Variants in NXN observed in about 807,000 individuals in gnomAD.
NXN encodes the protein nucleoredoxin 1.
In NXN, 16 loss-of-function variants were observed where a neutral mutation model predicts 48.6. The observed-to-expected ratio is 0.33, with a 90% CI of 0.22 to 0.50. NXN has a LOEUF of 0.50. NXN is among the 20% of genes least tolerant of loss of function. The pLI, the probability that NXN is intolerant of heterozygous loss-of-function variation, is 0.98. For missense variants in NXN, 492 were observed against 605.5 expected, an observed-to-expected ratio of 0.81 and a Z score of 1.97; for synonymous variants, 281 against 269.6, an observed-to-expected ratio of 1.04 and a Z score of -0.41.
intron 1 of NXN, chr17:896,805 T>C (rs2068491058): frequency 2.7e-6 from 3 of 1,118,044 alleles, no homozygotes; most frequent in Non-Finnish European, 2.3e-6. Context: ...CAATAGACAC[T>C]TGAACCTCTG....
intron 6 of NXN, 112 bp downstream of exon 6, chr17:804,956 C>T (rs1256144860): frequency 1.7e-6 from 2 of 1,167,814 alleles, no homozygotes; most frequent in Non-Finnish European, 2.5e-6. Context: ...AAGGCCCAGG[C>T]TTGCACTGCT....
chr17:959,495 A>AG (rs2069211578), intron 1 of NXN: 1 of 157,738 alleles, frequency 6.3e-6, no homozygotes, highest in Non-Finnish European at 1.4e-5. Flanking sequence ...AGAAGTGAGA[A>AG]AAAAAAAAAA....
intron 1 of NXN, among the ~76,000 whole-genome samples, 181 bp downstream of exon 1, chr17:979,138 G>GT (rs1283400301): frequency 5.3e-5 from 5 of 94,840 alleles, no homozygotes; most frequent in Non-Finnish European, 1.1e-4. Context: ...GGACGGCGGG[G>GT]TGGGGGGCGG....
rs2068740407 is a variant in NXN, at chr17:920,676, C to T, written c.360+58643G>A. On this transcript the variant is annotated intron_variant, in intron 1 of 7. Coordinates refer to ENST00000336868, the MANE Select transcript of NXN (RefSeq NM_022463.5). This position sits in a 1 kb window ranked among gnomAD's most constrained non-coding sequence, Gnocchi z 4.6. The stretch of plus-strand genomic sequence containing the variant: ...GAGGTCTTCATTCATACCGCCTTGC[C>T]AATCGCCCTCAAAATCACCTGGAAG... Among the ~76,000 whole-genome samples the T allele has an allele frequency of 6.6e-6, 1 of 152,054 alleles. No homozygotes were observed. Among genetic ancestry groups the T allele is most frequent in the East Asian group, 1.9e-4 (1 of 5,192 alleles).
intron 1 of NXN, among the ~76,000 whole-genome samples, chr17:892,594 G>A (rs926569332): frequency 4.1e-5 from 6 of 146,078 alleles, no homozygotes; most frequent in Non-Finnish European, 7.5e-5. Context: ...AGCAGGTCTC[G>A]CAGTCTCAGC....
At chr17:907,342 A>ATTT (rs3062164) in intron 1 of NXN, among the ~76,000 whole-genome samples, 1 of 145,714 alleles carries the variant, frequency 6.9e-6, no homozygotes, top group South Asian at 2.2e-4. Context: ...CTCAATACCT[A>ATTT]TTTTTTTTTT....
intron 1 of NXN, among the ~76,000 whole-genome samples, chr17:869,780 C>G (rs1175600123): frequency 6.6e-6 from 1 of 152,210 alleles, no homozygotes; most frequent in African/African-American, 2.4e-5. Flanking sequence ...CGTTCGTGTT[C>G]CACGGACAGT....
chr17:897,928 A>T (rs9908724), intron 1 of NXN, among the ~76,000 whole-genome samples: 6 of 152,058 alleles, frequency 3.9e-5, no homozygotes, highest in African/African-American at 1.4e-4. Context: ...TGATCCGCCC[A>T]CCTCGGCCTC....
intron 1 of NXN, among the ~76,000 whole-genome samples, chr17:918,052 T>G (rs1227965205): frequency 6.6e-6 from 1 of 152,118 alleles, no homozygotes; most frequent in Non-Finnish European, 1.5e-5. Flanking sequence ...TCAGTTTCAG[T>G]TTTAAAAGTT....
At chr17:922,953 A>G (rs2068763235) in intron 1 of NXN, among the ~76,000 whole-genome samples, 1 of 150,374 alleles carries the variant, frequency 6.7e-6, no homozygotes, top group African/African-American at 2.4e-5. Flanking sequence ...CGCCCGGCCC[A>G]CTCTGCATTC....
intron 1 of NXN, among the ~76,000 whole-genome samples, chr17:831,311 C>G (rs1913454997): frequency 6.6e-6 from 1 of 151,962 alleles, no homozygotes; most frequent in Admixed American, 6.6e-5. Flanking sequence ...AAAAAAAACT[C>G]CACAAGTCTG....
rs191621676 is a variant in NXN at position 818,091 on chromosome 17, T to C, written c.820+1348A>G. ...CTGGGCAACATGGCAAAACTTCATC[T>C]CTACTAAAAATACAAAAAAATGAGC... On this transcript the variant is annotated intron_variant, in intron 5 of 7. Coordinates refer to ENST00000336868, the MANE Select transcript of NXN (RefSeq NM_022463.5). Among the ~76,000 whole-genome samples, 113 of 151,868 alleles carry C rather than the reference T, an allele frequency of 7.4e-4. 2 individuals carry two copies. The East Asian group carries it at 0.022, about 29-fold the overall frequency.
At chr17:947,558 C>A (rs1220812212) in intron 1 of NXN, among the ~76,000 whole-genome samples, 2 of 151,788 alleles carry the variant, frequency 1.3e-5, no homozygotes, top group South Asian at 2.1e-4. Flanking sequence ...CAAGGTGAAA[C>A]CCCATCTCAA....
chr17:831,790 G>A (rs1392205722), intron 1 of NXN, among the ~76,000 whole-genome samples: 2 of 151,556 alleles, frequency 1.3e-5, no homozygotes, highest in Non-Finnish European at 2.9e-5. Flanking sequence ...ATGACCCACT[G>A]CGCCTGGCCT....
At chr17:864,250 T>G in intron 1 of NXN, 1 of 1,171,482 alleles carries the variant, frequency 8.5e-7, no homozygotes, top group Non-Finnish European at 1.2e-6. Flanking sequence ...TCTGTAGGTC[T>G]GAAATTTCCC....
intron 1 of NXN, among the ~76,000 whole-genome samples, chr17:876,713 T>A (rs1274301671): frequency 6.6e-6 from 1 of 152,122 alleles, no homozygotes; most frequent in East Asian, 1.9e-4. Context: ...TGTGGTTCCC[T>A]TTGGGGCACC....
At chr17:935,862 G>A (rs1192427180) in intron 1 of NXN, among the ~76,000 whole-genome samples, 5 of 152,124 alleles carry the variant, frequency 3.3e-5, no homozygotes, top group African/African-American at 1.2e-4. Flanking sequence ...GGAGGTGGAG[G>A]CAGGTGGATC....
intron 1 of NXN, among the ~76,000 whole-genome samples, chr17:943,409 G>A (rs796885588): frequency 7.9e-5 from 12 of 152,264 alleles, no homozygotes; most frequent in South Asian, 2.1e-4. Context: ...GAGAGGCCCC[G>A]AGTGATGACC....
At chr17:816,389 T>C (rs1597624046) in intron 5 of NXN, among the ~76,000 whole-genome samples, 2 of 152,190 alleles carry the variant, frequency 1.3e-5, no homozygotes, top group East Asian at 3.9e-4. Context: ...AGGCCAGGTC[T>C]ATCCTGTGAC....
Sources: allele counts gnomAD v4.1 joint callset (sites outside exome capture counted in the v4.1 genomes callset), GRCh38; gene constraint gnomAD v4.1.1; non-coding constraint Gnocchi (gnomAD v3.1); transcripts MANE v1.5; gene names NCBI Gene and HGNC (gene_info 2026-07-23, HGNC 2026-07-21).